The following MAGI1 variants were observed in gnomAD, a reference collection of about 807,000 sequenced individuals.
MAGI1 encodes the protein membrane associated guanylate kinase, WW and PDZ domain containing 1, also known as membrane-associated guanylate kinase, WW and PDZ domain-containing protein 1.
A neutral mutation model predicts 139.9 loss-of-function variants in MAGI1; 58 were observed. The ratio of observed to expected loss-of-function variants is 0.41; its 90% confidence interval spans 0.34 to 0.52. The LOEUF is 0.52. MAGI1 is among the 20% of genes least tolerant of loss of function. The pLI is 0.12. For synonymous variants in MAGI1, 812 were observed against 737.9 expected (o/e 1.10, Z -1.63); for missense variants, 1,874 against 1,901.6 (o/e 0.99, Z 0.27).
intron 1 of MAGI1, among the ~76,000 whole-genome samples, chr3:65,816,640 A>G (rs1052864040): frequency 4.4e-4 from 10 of 22,988 alleles, no homozygotes; most frequent in East Asian, 0.036. Context: ...TAACAGGGGA[A>G]AAAAAAAAAA....
At chr3:66,022,008 A>C (rs1464218364) in intron 1 of MAGI1, among the ~76,000 whole-genome samples, 2 of 152,134 alleles carry the variant, frequency 1.3e-5, no homozygotes, top group Non-Finnish European at 2.9e-5. Flanking sequence ...CAGGACTGCA[A>C]ATTTCCCCCG....
intron 1 of MAGI1, among the ~76,000 whole-genome samples, chr3:66,028,908 ATTCT>A (rs1480599708): frequency 6.6e-6 from 1 of 152,142 alleles, no homozygotes; most frequent in East Asian, 1.9e-4. Flanking sequence ...CTCTCAAGAG[ATTCT>A]TTCTTCTCTC....
intron 1 of MAGI1, among the ~76,000 whole-genome samples, chr3:65,689,527 T>G (rs1255390086): frequency 1.3e-5 from 2 of 152,174 alleles, no homozygotes; most frequent in Admixed American, 6.5e-5. Flanking sequence ...TAAAATATCC[T>G]TCGGAATTAA....
At chr3:65,666,043 CA>C (rs2086497221) in intron 1 of MAGI1, among the ~76,000 whole-genome samples, 1 of 152,096 alleles carries the variant, frequency 6.6e-6, no homozygotes, top group Non-Finnish European at 1.5e-5. Flanking sequence ...TCCATATGGT[CA>C]CTGAAAAAGT....
At chr3:65,464,685 A>T (rs944826517) in intron 5 of MAGI1, among the ~76,000 whole-genome samples, 2 of 152,112 alleles carry the variant, frequency 1.3e-5, no homozygotes, top group African/African-American at 4.8e-5. Flanking sequence ...CATAGATAGC[A>T]CACAATTAGG....
At chr3:65,652,236 GAT>G (rs759598964) in intron 1 of MAGI1, among the ~76,000 whole-genome samples, 2 of 152,128 alleles carry the variant, frequency 1.3e-5, no homozygotes, top group Non-Finnish European at 2.9e-5. Flanking sequence ...TTCACTTCTA[GAT>G]ATGTTGCCAT....
chr3:65,918,213 T>C (rs2062000669), intron 1 of MAGI1, among the ~76,000 whole-genome samples: 1 of 152,186 alleles, frequency 6.6e-6, no homozygotes, highest in Non-Finnish European at 1.5e-5. Context: ...TGAATTCCTA[T>C]CATTAAGCAT....
At chr3:65,950,067 C>CAAAAAAAAAAAAAAAAAA (rs61696952) in intron 1 of MAGI1, among the ~76,000 whole-genome samples, 5 of 76,710 alleles carry the variant, frequency 6.5e-5, no homozygotes, top group Admixed American at 1.9e-4. Context: ...AACAAAAAAA[C>CAAAAAAAAAAAAAAAAAA]AAAAAAAAAA....
chr3:65,429,949 G>A lies in MAGI1; in HGVS notation c.1738C>T (p.Pro580Ser). The change falls in exon 12 of 23, where the codon CCA becomes TCA. Residue 580 changes from proline (P) to serine (S), a missense_variant. Coordinates refer to ENST00000402939, the MANE Select transcript of MAGI1 (RefSeq NM_001033057.2). ...GTCTCTTGCCCATTCACAATAATTG[G>A]TTCTTTATCCAAAATGGCTACCGAG... is the stretch of plus-strand genomic sequence containing the variant. ...VTSVAILDKE[P>S]IIVNGQETYD... 1.2e-6 allele frequency: 2 copies of A among 1,613,986 alleles called. No homozygotes were observed. The highest frequency in any genetic ancestry group is 1.7e-6 in the Non-Finnish European group (2 of 1,179,950).
intron 3 of MAGI1, among the ~76,000 whole-genome samples, chr3:65,488,287 A>C (rs563147904): frequency 6.6e-6 from 1 of 151,980 alleles, no homozygotes; most frequent in Non-Finnish European, 1.5e-5. Context: ...GCTTTCTATA[A>C]GCTTCTGGAG....
At chr3:65,399,786 G>C (rs1045689420) in intron 13 of MAGI1, among the ~76,000 whole-genome samples, 1 of 152,146 alleles carries the variant, frequency 6.6e-6, no homozygotes, top group Non-Finnish European at 1.5e-5. Flanking sequence ...GGGTTCACCA[G>C]GTAATTCCAA....
chr3:65,855,541 G>T (rs2108415423), intron 1 of MAGI1, among the ~76,000 whole-genome samples: 1 of 123,016 alleles, frequency 8.1e-6, no homozygotes, highest in South Asian at 2.9e-4. Flanking sequence ...GTTATAGGCT[G>T]CAGTGAGCAA....
At chr3:65,485,708 A>G (rs1951581536) in intron 3 of MAGI1, among the ~76,000 whole-genome samples, 1 of 152,224 alleles carries the variant, frequency 6.6e-6, no homozygotes, top group Admixed American at 6.5e-5. Context: ...GTCACTACGC[A>G]TATATTCACT....
intron 1 of MAGI1, among the ~76,000 whole-genome samples, chr3:65,678,353 A>T (rs1193598213): frequency 1.4e-4 from 3 of 20,932 alleles, no homozygotes; most frequent in Non-Finnish European, 2.7e-4. Flanking sequence ...AAAATAAAAT[A>T]AAAAGGTAAA....
At chr3:65,449,757 A>C (rs1330519488) in intron 6 of MAGI1, among the ~76,000 whole-genome samples, 1 of 152,184 alleles carries the variant, frequency 6.6e-6, no homozygotes, top group Admixed American at 6.5e-5. Flanking sequence ...CCTGGGTAAC[A>C]GGGCGAGACT....
chr3:65,958,656 G>C (rs1021149406), intron 1 of MAGI1, among the ~76,000 whole-genome samples: 10 of 152,130 alleles, frequency 6.6e-5, no homozygotes, highest in Non-Finnish European at 1.5e-4. Flanking sequence ...CCATATATCG[G>C]AGGTTTAAAG....
At chr3:65,645,435 C>T (rs931169569) in intron 1 of MAGI1, among the ~76,000 whole-genome samples, 5 of 152,112 alleles carry the variant, frequency 3.3e-5, no homozygotes, top group African/African-American at 9.7e-5. Flanking sequence ...CAGAATTCTA[C>T]ATCCAGTAAA....
At chr3:65,598,659 G>T (rs2082342390) in intron 2 of MAGI1, among the ~76,000 whole-genome samples, 1 of 152,188 alleles carries the variant, frequency 6.6e-6, no homozygotes, top group Non-Finnish European at 1.5e-5. Flanking sequence ...ATCTGACTCA[G>T]AATCAAGCTG....
intron 1 of MAGI1, among the ~76,000 whole-genome samples, chr3:65,869,685 C>T (rs2108482283): frequency 6.6e-6 from 1 of 152,182 alleles, no homozygotes; most frequent in Non-Finnish European, 1.5e-5. Context: ...CAGGAGTGAG[C>T]CACCGCGCCC....
Sources: allele counts gnomAD v4.1 joint callset (sites outside exome capture counted in the v4.1 genomes callset), GRCh38; gene constraint gnomAD v4.1.1; transcripts MANE v1.5; gene names NCBI Gene and HGNC (gene_info 2026-07-23, HGNC 2026-07-21).